The following GART variants were observed in gnomAD, a reference collection of about 807,000 sequenced individuals.
GART encodes phosphoribosylglycinamide formyltransferase, phosphoribosylglycinamide synthetase, phosphoribosylaminoimidazole synthetase.
A neutral mutation model predicts 107.2 loss-of-function variants in GART; 43 were observed. That is an observed-to-expected ratio of 0.40 (90% confidence interval 0.31 to 0.52). GART has a LOEUF of 0.52. Ranked by LOEUF, GART falls within the 20% of genes least tolerant of loss-of-function variation. GART has a pLI of 0.52. For missense variants in GART, 1,107 were observed against 1,206.5 expected, an observed-to-expected ratio of 0.92 and a Z score of 1.22; for synonymous variants, 434 against 427.0, an observed-to-expected ratio of 1.02 and a Z score of -0.20.
chr21:33,528,195 T>C lies in GART; in HGVS notation c.1038A>G (p.Gly346=). The change falls in exon 10 of 22, where the codon GGA becomes GGG. Residue 346 remains glycine, a synonymous_variant. Coordinates refer to ENST00000381815, the MANE Select transcript of GART (RefSeq NM_000819.5). ...TTATCTCTACACCCTTGGTGTAGTC[T>C]CCAGGATAACCTTTACTTGCCATGA... ...TVVMASKGYP[G]DYTKGVEITG... is the part of the protein sequence containing the mutation. 6.2e-7 allele frequency: 1 copy of C among 1,613,560 alleles called. No homozygotes were observed. Among genetic ancestry groups the C allele is most frequent in the Non-Finnish European group, 8.5e-7 (1 of 1,179,794 alleles).
intron 7 of GART, among the ~76,000 whole-genome samples, chr21:33,529,416 A>C (rs1227985602): frequency 6.7e-6 from 1 of 149,874 alleles, no homozygotes; most frequent in African/African-American, 2.5e-5. Context: ...TACACTTATG[A>C]AGTCTTTTAA....
chr21:33,517,190 C>G (rs1167840146), intron 15 of GART, 49 bp from the exon 16 acceptor site: 2 of 1,571,766 alleles, frequency 1.3e-6, no homozygotes, highest in Admixed American at 1.9e-5. Flanking sequence ...AATAGAAAAC[C>G]AAAACATAAA....
intron 10 of GART, among the ~76,000 whole-genome samples, chr21:33,526,910 A>G (rs1360710135): frequency 1.3e-5 from 2 of 151,974 alleles, no homozygotes; most frequent in African/African-American, 4.8e-5. Flanking sequence ...TTAGCATCCT[A>G]TTTGGTAGTT....
At chr21:33,522,529 C>T (rs370400556) in intron 11 of GART, among the ~76,000 whole-genome samples, 88 of 152,276 alleles carry the variant, frequency 5.8e-4, no homozygotes, top group African/African-American at 1.9e-3. Flanking sequence ...CCCTGAGAAC[C>T]GCTATTCTAA....
intron 10 of GART, among the ~76,000 whole-genome samples, chr21:33,526,235 ACCTCGGCT>A (rs2085071327): frequency 6.6e-6 from 1 of 150,982 alleles, no homozygotes; most frequent in Non-Finnish European, 1.5e-5. Flanking sequence ...CAGTTGTGCG[ACCTCGGCT>A]CACTGCAACC....
At chr21:33,518,789 G>T in intron 14 of GART, 1 of 488,134 alleles carries the variant, frequency 2.0e-6, no homozygotes. Context: ...TTTGGGCAGA[G>T]CTTCAGTCGG....
At chr21:33,508,872 G>T (rs1027473152) in intron 18 of GART, among the ~76,000 whole-genome samples, 1 of 152,086 alleles carries the variant, frequency 6.6e-6, no homozygotes, top group African/African-American at 2.4e-5. Context: ...ACTCATAAGT[G>T]AGAACATGCA....
At chr21:33,508,066 T>A (rs537550174) in intron 18 of GART, among the ~76,000 whole-genome samples, 1 of 152,136 alleles carries the variant, frequency 6.6e-6, no homozygotes, top group East Asian at 1.9e-4. Flanking sequence ...AATGGATTAA[T>A]AGATTGTGAA....
intron 2 of GART, among the ~76,000 whole-genome samples, chr21:33,538,274 A>G (rs909523979): frequency 1.3e-5 from 2 of 149,034 alleles, no homozygotes; most frequent in South Asian, 2.1e-4. Flanking sequence ...TCAGAGAGAG[A>G]TAAGGGTTGA....
rs1188875742 is a variant in GART, at chr21:33,524,890, G to A, written c.1177C>T (p.Arg393Trp). The change falls in exon 11 of 22, where the codon CGG becomes TGG. Residue 393 changes from arginine to tryptophan, a missense_variant. Coordinates refer to ENST00000381815, the MANE Select transcript of GART (RefSeq NM_000819.5). ...TCAAGGGCTGATATGAGATTTTCCCGGATGGCTGTGACTGCAAGAACTCTA... is the reference window on the plus strand; with the variant it reads ...TCAAGGGCTGATATGAGATTTTCCCAGATGGCTGTGACTGCAAGAACTCTA... ...GGRVLAVTAI[R>W]ENLISALEEA... is the part of the protein sequence containing the mutation. The A allele has an allele frequency of 3.7e-6, 6 of 1,614,088 alleles. No individual in the cohort carries two copies. Among genetic ancestry groups the A allele is most frequent in the Admixed American group, 1.7e-5 (1 of 60,012 alleles).
intron 16 of GART, 63 bp from the exon 17 acceptor site, chr21:33,511,521 GC>G: frequency 6.9e-7 from 1 of 1,457,196 alleles, no homozygotes; most frequent in East Asian, 2.3e-5. Flanking sequence ...ACAAAAGTAT[GC>G]ACATATTCAA....
intron 2 of GART, among the ~76,000 whole-genome samples, chr21:33,535,833 G>A (rs541949344): frequency 6.6e-6 from 1 of 152,214 alleles, no homozygotes; most frequent in East Asian, 1.9e-4. Flanking sequence ...TTCGAGACCA[G>A]CCTGAACAAT....
chr21:33,505,810 G>C lies in GART; in HGVS notation c.2584-108C>G, dbSNP rs1459845069. The C allele has an allele frequency of 3.0e-6, 4 of 1,331,396 alleles. No individual in the cohort carries two copies. The East Asian group carries it at 9.4e-5, about 31-fold the overall frequency. 82.5% of individuals were successfully genotyped at this position (1,331,396 alleles called of 1,614,324 possible). On this transcript the variant is annotated intron_variant, in intron 19 of 21. Transcript: ENST00000381815. ...TTCACTTCCTTGTAAAGATATACCT[G>C]ATAGAGAGATTATTAAGAAAGGGAC...
At chr21:33,531,591 A>C (rs759162626) in intron 5 of GART, 34 bp from the exon 6 acceptor site, 5 of 1,431,876 alleles carry the variant, frequency 3.5e-6, no homozygotes, top group Non-Finnish European at 2.9e-6. Flanking sequence ...TTTTTTTTTA[A>C]AAAAAGAGGC....
chr21:33,532,260 T>G, intron 5 of GART, 85 bp downstream of exon 5: 1 of 910,688 alleles, frequency 1.1e-6, no homozygotes, highest in Non-Finnish European at 1.8e-6. Context: ...AGATTTTCCT[T>G]ATTGTGAGGA....
chr21:33,526,497 C>T lies in GART; in HGVS notation c.1067-1497G>A, dbSNP rs578138589. Among the ~76,000 whole-genome samples, 166 of 152,010 alleles carry T rather than the reference C, an allele frequency of 1.1e-3. 1 individual carries two copies. Among genetic ancestry groups the T allele is most frequent in the Middle Eastern group, 6.8e-3 (2 of 294 alleles). ...CCTGTAAAGGAACTTCTTTTCATCA[C>T]AGTTATTCAATTAAAGCTGCTTCTT... On this transcript the variant is annotated intron_variant, in intron 10 of 21. Transcript: ENST00000381815.
intron 12 of GART, 40 bp from the exon 13 acceptor site, chr21:33,521,055 G>T (rs1418562369): frequency 1.4e-6 from 2 of 1,459,416 alleles, no homozygotes; most frequent in Non-Finnish European, 9.6e-7. Context: ...CATTTTAATA[G>T]ATTAAACATG....
chr21:33,509,986 A>G, intron 17 of GART, 66 bp from the exon 18 acceptor site: 1 of 1,442,818 alleles, frequency 6.9e-7, no homozygotes, highest in Non-Finnish European at 9.5e-7. Flanking sequence ...TAATGGAAAG[A>G]AAAATATTTT....
At chr21:33,505,216 A>G (rs1423692263) in intron 20 of GART, among the ~76,000 whole-genome samples, 1 of 152,202 alleles carries the variant, frequency 6.6e-6, no homozygotes, top group Non-Finnish European at 1.5e-5. Context: ...TTTTGCTTCC[A>G]AACAAATAAA....
Sources: gnomAD v4.1 joint callset for allele counts (sites outside exome capture counted in the v4.1 genomes callset) on GRCh38, gnomAD v4.1.1 for gene constraint, MANE v1.5 for transcripts, NCBI Gene and HGNC (gene_info 2026-07-23, HGNC 2026-07-21) for gene names.